The following ITIH2 variants were observed in gnomAD, a reference collection of about 807,000 sequenced individuals.
The protein encoded by ITIH2 is inter-alpha-trypsin inhibitor heavy chain 2.
Under a neutral mutation model 104.4 loss-of-function variants are expected in ITIH2, and 103 were observed. The observed-to-expected ratio is 0.99, with a 90% CI of 0.84 to 1.16. The LOEUF is 1.16. Among genes scored for constraint, ITIH2 ranks in the 50% most tolerant of loss-of-function variants. The pLI is 0.00. For synonymous variants in ITIH2, 436 were observed against 435.4 expected (o/e 1.00, Z -0.02); for missense variants, 1,108 against 1,162.4 (o/e 0.95, Z 0.68).
chr10:7,719,604 T>C (rs1834881869), intron 6 of ITIH2, among the ~76,000 whole-genome samples: 1 of 151,104 alleles, frequency 6.6e-6, no homozygotes, highest in Non-Finnish European at 1.5e-5. Flanking sequence ...TGAAAATAAA[T>C]AAATAAATTA....
chr10:7,736,120 C>A (rs1346148036), intron 15 of ITIH2, among the ~76,000 whole-genome samples: 3 of 152,008 alleles, frequency 2.0e-5, no homozygotes, highest in African/African-American at 7.3e-5. Flanking sequence ...AATCCCAGCA[C>A]TTTGGGAGGC....
chr10:7,711,658 C>G (rs1834797910), intron 4 of ITIH2, among the ~76,000 whole-genome samples: 3 of 152,142 alleles, frequency 2.0e-5, no homozygotes, highest in Admixed American at 2.0e-4. Flanking sequence ...TCTGATGTCT[C>G]TCATCTAAAG....
intron 20 of ITIH2, among the ~76,000 whole-genome samples, chr10:7,748,387 G>A (rs1291774581): frequency 1.3e-5 from 2 of 149,668 alleles, no homozygotes; most frequent in Middle Eastern, 3.4e-3. Flanking sequence ...TCTCGTTCAC[G>A]CAGTGTGAAC....
intron 18 of ITIH2, 68 bp downstream of exon 18, chr10:7,744,348 C>T: frequency 8.0e-7 from 1 of 1,257,398 alleles, no homozygotes. Flanking sequence ...ATCCAGGCAT[C>T]AGTGACATCA....
Position 7,727,073 on chromosome 10 carries a change from G to A in ITIH2, c.1108G>A (p.Val370Ile). The A allele has an allele frequency of 1.2e-6, 2 of 1,614,160 alleles. No individual in the cohort carries two copies. The highest frequency in any genetic ancestry group is 1.7e-6 in the Non-Finnish European group (2 of 1,180,002). ...NDLISATKTQ[V>I]ADAKRYIEKI... ...TTTAATTTCAGCTACAAAAACACAG[G>A]TTGCAGATGCCAAGAGGTATATTGA... The change falls in exon 10 of 21, where the codon GTT becomes ATT. Residue 370 changes from valine to isoleucine, a missense_variant. Transcript: ENST00000358415.
chr10:7,723,661 T>A, intron 9 of ITIH2, 94 bp downstream of exon 9: 1 of 830,582 alleles, frequency 1.2e-6, no homozygotes, highest in Non-Finnish European at 2.1e-6. Context: ...CCTCCCTGCT[T>A]AGGGCTGAAG....
At chr10:7,719,047 G>A (rs949758658) in intron 6 of ITIH2, among the ~76,000 whole-genome samples, 1 of 152,216 alleles carries the variant, frequency 6.6e-6, no homozygotes, top group African/African-American at 2.4e-5. Context: ...AAACCTAAGA[G>A]AGTACAGAGG....
chr10:7,705,203 A>T (rs765104530), intron 2 of ITIH2, 21 bp downstream of exon 2: 2 of 1,490,452 alleles, frequency 1.3e-6, no homozygotes, highest in East Asian at 2.3e-5. Flanking sequence ...GTTTACTCCC[A>T]AAAGGGGGAA....
chr10:7,707,948 C>T (rs558350148), intron 3 of ITIH2, among the ~76,000 whole-genome samples: 18 of 152,296 alleles, frequency 1.2e-4, no homozygotes, highest in African/African-American at 4.3e-4. Flanking sequence ...CACAAAACGG[C>T]CCAGTTCCCT....
At position 7,749,259 on chromosome 10, in the gene ITIH2, T is replaced by C; in HGVS notation, c.2766T>C (p.Ser922=). ...TTACCTGCTGGTTTGTGCACAACAG[T>C]GGAAAAGGATTCATTGACGGGCATT... The part of the protein sequence containing the change: ...TDVTCWFVHN[S]GKGFIDGHYK... The change falls in exon 21 of 21, where the codon AGT becomes AGC. Residue 922 remains serine, a synonymous_variant. Coordinates refer to ENST00000358415, the MANE Select transcript of ITIH2 (RefSeq NM_002216.3). 1.9e-6 allele frequency: 3 copies of C among 1,614,008 alleles called. No individual in the cohort carries two copies. The highest frequency in any genetic ancestry group is 2.5e-6 in the Non-Finnish European group (3 of 1,179,946).
At position 7,733,451 on chromosome 10, in the gene ITIH2, C is replaced by T. The variant is rs896999447; in HGVS notation, c.1787+974C>T. On this transcript the variant is annotated intron_variant, in intron 14 of 20. Transcript: ENST00000358415. ...CCAAAGAGAAATTGATGATTATTAA[C>T]GATTATGGTGTTCCCTAAGGAAGGG... Among the ~76,000 whole-genome samples the T allele has an allele frequency of 2.3e-4, 35 of 152,240 alleles. No individual in the cohort carries two copies. In the East Asian group the frequency reaches 2.7e-3, roughly 12 times the overall value.
chr10:7,743,382 G>A (rs1835144899), intron 17 of ITIH2, 123 bp downstream of exon 17: 1 of 577,128 alleles, frequency 1.7e-6, no homozygotes. Context: ...ATATTAGTGA[G>A]AAATTAAATT....
At position 7,703,360 on chromosome 10, in the gene ITIH2, C is replaced by T. The variant is rs1385739434; in HGVS notation, c.-75C>T. On this transcript the variant is annotated 5_prime_UTR_variant, in exon 1 of 21. Transcript: ENST00000358415. ...TGTACTCCTCTGCTGTTCCTTTGAA[C>T]TTGGTTCAGTAGGAAGAAGTGATAT... 2 of 958,760 alleles carry T rather than the reference C, an allele frequency of 2.1e-6. No homozygotes were observed. The highest frequency in any genetic ancestry group is 3.2e-5 in the African/African-American group (2 of 61,886). The allele number at this position is 958,760 out of a possible 1,614,324, so 59.4% of individuals were successfully genotyped here. A position where few individuals can be genotyped will look rare whatever the true frequency, so the allele number is the denominator to read the frequency against.
At chr10:7,706,247 T>C (rs886887645) in intron 2 of ITIH2, among the ~76,000 whole-genome samples, 4 of 152,208 alleles carry the variant, frequency 2.6e-5, no homozygotes, top group African/African-American at 7.2e-5. Flanking sequence ...AGGTCAACCA[T>C]TGACCTCACC....
chr10:7,733,518 A>G (rs1178753755), intron 14 of ITIH2, among the ~76,000 whole-genome samples: 1 of 152,166 alleles, frequency 6.6e-6, no homozygotes, highest in Non-Finnish European at 1.5e-5. Flanking sequence ...TGCTTCATGT[A>G]TCAGTAATTT....
At position 7,732,401 on chromosome 10, in the gene ITIH2, A is replaced by G. The variant is rs138441817; in HGVS notation, c.1711A>G (p.Lys571Glu). The change falls in exon 14 of 21, where the codon AAA becomes GAA. Residue 571 changes from lysine (K) to glutamate (E), a missense_variant. Lys to Glu is a moderately conservative substitution (Grantham distance 56, BLOSUM62 1). Transcript: ENST00000358415. ...QMDDLQDFLS[K>E]DKHADPDFTR... ...GGACGACTTGCAGGATTTTCTATCG[A>G]AAGACAAGCATGCAGATCCCGATTT... The G allele has an allele frequency of 3.6e-4, 583 of 1,614,146 alleles. 4 individuals carry two copies. In the African/African-American group the frequency reaches 6.9e-3, roughly 19 times the overall value.
chr10:7,738,828 T>C, intron 16 of ITIH2, 70 bp downstream of exon 16: 3 of 1,469,268 alleles, frequency 2.0e-6, no homozygotes, highest in Non-Finnish European at 2.7e-6. Flanking sequence ...ATTGTGTGCA[T>C]GAGGCCAGGT....
chr10:7,748,559 A>T (rs1353370893), intron 20 of ITIH2, among the ~76,000 whole-genome samples: 71 of 8,738 alleles, frequency 8.1e-3, no homozygotes, highest in East Asian at 0.011. Context: ...TTTTTTTTTT[A>T]GTGACAGAGT....
intron 16 of ITIH2, among the ~76,000 whole-genome samples, chr10:7,741,400 G>A (rs980790086): frequency 3.4e-4 from 52 of 152,028 alleles, no homozygotes; most frequent in Admixed American, 1.3e-4. Flanking sequence ...GGCTGGTCTC[G>A]AATGCCTGAC....
Sources: allele counts gnomAD v4.1 joint callset (sites outside exome capture counted in the v4.1 genomes callset), GRCh38; gene constraint gnomAD v4.1.1; transcripts MANE v1.5; gene names NCBI Gene and HGNC (gene_info 2026-07-23, HGNC 2026-07-21).